WDFY4: variants seen among roughly 807,000 people sequenced by gnomAD.
WDFY4 encodes WDFY family member 4.
WDFY4 carries 169 observed loss-of-function variants against 351.9 expected under a neutral mutation model. The observed-to-expected ratio is 0.48, with a 90% CI of 0.42 to 0.55. The LOEUF (loss-of-function observed/expected upper bound fraction) is 0.55. WDFY4 is among the 20% of genes least tolerant of loss of function. WDFY4 has a pLI of 0.00. For synonymous variants in WDFY4, 1,622 were observed against 1,574.6 expected (o/e 1.03, Z -0.71); for missense variants, 3,803 against 3,935.6 (o/e 0.97, Z 0.90).
chr10:48,720,353 AAC>A (rs1464156631), intron 3 of WDFY4, among the ~76,000 whole-genome samples: 2 of 152,066 alleles, frequency 1.3e-5, no homozygotes, highest in Non-Finnish European at 2.9e-5. Flanking sequence ...GACATAGACA[AAC>A]ACACACACTG....
chr10:48,788,408 A>G, intron 20 of WDFY4, 122 bp from the exon 21 acceptor site: 4 of 1,215,634 alleles, frequency 3.3e-6, no homozygotes, highest in Non-Finnish European at 4.5e-6. Context: ...ATGCAATGTG[A>G]CAACATACAA....
intron 43 of WDFY4, 99 bp from the exon 44 acceptor site, chr10:48,890,480 A>C: frequency 7.0e-7 from 1 of 1,431,866 alleles, no homozygotes; most frequent in Non-Finnish European, 9.5e-7. Flanking sequence ...CTCACCTCCA[A>C]TTGCCCCATG....
At chr10:48,921,667 A>G (rs1047953308) in intron 47 of WDFY4, among the ~76,000 whole-genome samples, 58 of 152,328 alleles carry the variant, frequency 3.8e-4, no homozygotes, top group Admixed American at 1.3e-3. Flanking sequence ...AGTGCAAATC[A>G]TATATATCAT....
At chr10:48,894,015 C>T (rs1007935859) in intron 44 of WDFY4, among the ~76,000 whole-genome samples, 1 of 152,150 alleles carries the variant, frequency 6.6e-6, no homozygotes, top group Non-Finnish European at 1.5e-5. Flanking sequence ...TTTTGTAGAA[C>T]ATGTAGGGTG....
chr10:48,807,284 A>G (rs115312103), intron 27 of WDFY4, among the ~76,000 whole-genome samples: 254 of 152,350 alleles, frequency 1.7e-3, no homozygotes, highest in African/African-American at 5.8e-3. Flanking sequence ...TGCATTCTGA[A>G]ACTTTTACCT....
In WDFY4 at chr10:48,723,525, G is replaced by A. The variant is rs1047325701; in HGVS notation, c.549G>A (p.Glu183=). ...TTGTCTTTCCTCTGGACAAAGATGA[G>A]CTTCTTGAGAGTGATCTTCAAGTTC... ...LFFVFPLDKD[E]LLESDLQVQK... The change falls in exon 5 of 62, where the codon GAG becomes GAA. Residue 183 remains glutamate, a synonymous_variant. Transcript: ENST00000325239. The A allele has an allele frequency of 2.6e-6, 4 of 1,551,882 alleles. No individual in the cohort carries two copies. In the East Asian group the frequency reaches 7.3e-5, roughly 28 times the overall value.
chr10:48,731,844 G>A (rs756912385), intron 9 of WDFY4, among the ~76,000 whole-genome samples: 1 of 152,188 alleles, frequency 6.6e-6, no homozygotes, highest in Non-Finnish European at 1.5e-5. Flanking sequence ...TATAGACAGG[G>A]AGACTGCAGG....
At chr10:48,931,812 C>T (rs1476532073) in intron 47 of WDFY4, among the ~76,000 whole-genome samples, 1 of 152,198 alleles carries the variant, frequency 6.6e-6, no homozygotes, top group Admixed American at 6.5e-5. Context: ...TAGACACTGC[C>T]TCCAATAAGA....
At chr10:48,969,628 C>A (rs1842247181) in intron 56 of WDFY4, among the ~76,000 whole-genome samples, 1 of 152,158 alleles carries the variant, frequency 6.6e-6, no homozygotes, top group African/African-American at 2.4e-5. Flanking sequence ...CTGGCAGGAG[C>A]AAGCTGTTTC....
At chr10:48,907,848 G>A (rs145677824) in intron 47 of WDFY4, among the ~76,000 whole-genome samples, 1 of 152,330 alleles carries the variant, frequency 6.6e-6, no homozygotes, top group African/African-American at 2.4e-5. Flanking sequence ...GAAGCCCTGG[G>A]AGCACAACTG....
intron 2 of WDFY4, among the ~76,000 whole-genome samples, chr10:48,715,581 TA>T (rs1253013730): frequency 8.6e-5 from 13 of 152,018 alleles, no homozygotes; most frequent in Admixed American, 2.0e-4. Flanking sequence ...TGAAGAAAGA[TA>T]AACACCATTA....
chr10:48,700,761 G>T (rs1008167862), intron 1 of WDFY4, among the ~76,000 whole-genome samples: 2 of 152,224 alleles, frequency 1.3e-5, no homozygotes, highest in Non-Finnish European at 2.9e-5. Flanking sequence ...ACAGCCTTTG[G>T]CAGGGGGCCT....
intron 33 of WDFY4, among the ~76,000 whole-genome samples, 154 bp downstream of exon 33, chr10:48,820,591 G>T (rs2067789220): frequency 6.6e-6 from 1 of 152,242 alleles, no homozygotes; most frequent in South Asian, 2.1e-4. Context: ...AAAGCAACAG[G>T]TGATAGAGGA....
At chr10:48,870,575 AAG>A (rs1416767635) in intron 40 of WDFY4, among the ~76,000 whole-genome samples, 1 of 151,636 alleles carries the variant, frequency 6.6e-6, no homozygotes, top group African/African-American at 2.4e-5. Context: ...AAAAAAAAGA[AAG>A]AAATTGTAGT....
At chr10:48,963,767 C>T in intron 53 of WDFY4, 75 bp from the exon 54 acceptor site, 1 of 1,426,522 alleles carries the variant, frequency 7.0e-7, no homozygotes, top group Non-Finnish European at 9.6e-7. Context: ...AGCATGTGCC[C>T]CTTCCAATCT....
chr10:48,823,617 C>G, intron 35 of WDFY4: 1 of 1,028,780 alleles, frequency 9.7e-7, no homozygotes, highest in Non-Finnish European at 1.2e-6. Context: ...TAGCCCTTGT[C>G]AGCTCTGTGA....
chr10:48,736,123 G>C (rs768858350), intron 11 of WDFY4, 53 bp downstream of exon 11: 1 of 1,538,066 alleles, frequency 6.5e-7, no homozygotes, highest in Non-Finnish European at 8.8e-7. Flanking sequence ...TGCACCAAGC[G>C]ATCCACATTT....
At chr10:48,860,758 A>C (rs1201958701) in intron 39 of WDFY4, among the ~76,000 whole-genome samples, 3 of 152,108 alleles carry the variant, frequency 2.0e-5, no homozygotes, top group African/African-American at 7.2e-5. Context: ...TTTTTTAAAA[A>C]ATTTATTTTG....
At chr10:48,857,117 T>A (rs1045325741) in intron 39 of WDFY4, among the ~76,000 whole-genome samples, 2 of 152,212 alleles carry the variant, frequency 1.3e-5, no homozygotes, top group African/African-American at 4.8e-5. Flanking sequence ...ATAAAAATGA[T>A]GTTCTCTGAG....
Sources: allele counts gnomAD v4.1 joint callset (sites outside exome capture counted in the v4.1 genomes callset), GRCh38; gene constraint gnomAD v4.1.1; transcripts MANE v1.5; gene names NCBI Gene and HGNC (gene_info 2026-07-23, HGNC 2026-07-21).